PHF20L1: variants seen among roughly 807,000 people sequenced by gnomAD.
PHF20L1 encodes the protein PHD finger protein 20-like protein 1.
A neutral mutation model predicts 125.5 loss-of-function variants in PHF20L1; 44 were observed. The observed-to-expected ratio is 0.35, with a 90% CI of 0.28 to 0.45. PHF20L1 has a LOEUF of 0.45. PHF20L1 is among the 20% of genes least tolerant of loss of function. The probability of loss-of-function intolerance (pLI) is 1.00; values close to 1 mark genes in which losing one functional copy is unlikely to be tolerated. For missense variants in PHF20L1, 1,012 were observed against 1,217.2 expected (o/e 0.83, Z 2.51); for synonymous variants, 380 against 403.1 (o/e 0.94, Z 0.69).
Position 132,846,088 on chromosome 8 carries a change from T to C in PHF20L1, c.*165T>C. On this transcript the variant is annotated 3_prime_UTR_variant, in exon 21 of 21. Coordinates refer to ENST00000395386, the MANE Select transcript of PHF20L1 (RefSeq NM_016018.5). ...CTTGGAAAGAAAAATGAAGAACAAC[T>C]TTATCAAGGAAGCTAGTATTTAAAA... 1.9e-6 allele frequency: 1 copy of C among 535,596 alleles called. No homozygotes were observed. The highest frequency in any genetic ancestry group is 3.4e-5 in the South Asian group (1 of 29,802). The allele number at this position is 535,596 out of a possible 1,614,324, so 33.2% of individuals were successfully genotyped here. A position where few individuals can be genotyped will look rare whatever the true frequency, so the allele number is the denominator to read the frequency against.
chr8:132,829,111 C>T (rs1836502258), intron 14 of PHF20L1, among the ~76,000 whole-genome samples: 1 of 152,022 alleles, frequency 6.6e-6, no homozygotes, highest in East Asian at 1.9e-4. Flanking sequence ...GTGGGGAATA[C>T]AGACAGGGTG....
intron 15 of PHF20L1, among the ~76,000 whole-genome samples, chr8:132,835,691 T>C (rs1837279376): frequency 6.6e-6 from 1 of 152,140 alleles, no homozygotes. Flanking sequence ...AAAAATCCCT[T>C]GGGGAACTCA....
rs1025424611 is a variant in PHF20L1 at position 132,848,545 on chromosome 8, C to G, written c.*2622C>G. 2.0e-5 allele frequency: 3 copies of G among 152,518 alleles called. No individual in the cohort carries two copies. The highest frequency in any genetic ancestry group is 6.6e-5 in the Admixed American group (1 of 15,264). 9.4% of individuals were successfully genotyped at this position (152,518 alleles called of 1,614,324 possible). A position where few individuals can be genotyped will look rare whatever the true frequency, so the allele number is the denominator to read the frequency against. On this transcript the variant is annotated 3_prime_UTR_variant, in exon 21 of 21. Transcript: ENST00000395386. The stretch of plus-strand genomic sequence containing the variant: ...TTGCCACCAGGCAGAACAGAATGAG[C>G]ATTGGTAGAGAAGGCTCCCTCTTGG...
intron 12 of PHF20L1, chr8:132,818,428 A>AT (rs973845160): frequency 6.6e-6 from 1 of 151,860 alleles, no homozygotes; most frequent in Admixed American, 6.6e-5. Flanking sequence ...CATTTTATCC[A>AT]TTTTTTGGAT....
chr8:132,832,539 T>A, intron 15 of PHF20L1, 140 bp downstream of exon 15: 2 of 569,570 alleles, frequency 3.5e-6, no homozygotes, highest in Middle Eastern at 4.8e-4. Context: ...GTGAGAAATT[T>A]GAGCTACTTT....
intron 7 of PHF20L1, 109 bp downstream of exon 7, chr8:132,804,141 C>A: frequency 1.4e-6 from 1 of 732,212 alleles, no homozygotes; most frequent in Non-Finnish European, 2.2e-6. Flanking sequence ...AATTTGTAGG[C>A]TTTTGACCCT....
chr8:132,824,259 C>G (rs1835912924), intron 13 of PHF20L1, 199 bp downstream of exon 13: 1 of 391,008 alleles, frequency 2.6e-6, no homozygotes, highest in Non-Finnish European at 4.6e-6. Flanking sequence ...ACTTTTTTGT[C>G]AAGAGAGTCT....
At chr8:132,778,396 C>T (rs754834869) in intron 2 of PHF20L1, among the ~76,000 whole-genome samples, 1 of 152,180 alleles carries the variant, frequency 6.6e-6, no homozygotes, top group East Asian at 1.9e-4. Context: ...TATTCATTAT[C>T]TCACCTAAAA....
intron 1 of PHF20L1, among the ~76,000 whole-genome samples, 197 bp downstream of exon 1, chr8:132,775,842 T>G (rs1829653403): frequency 6.6e-6 from 1 of 152,076 alleles, no homozygotes; most frequent in African/African-American, 2.4e-5. Flanking sequence ...GCCGGATGGC[T>G]GTCAAACCTG....
At chr8:132,790,927 A>G (rs1026657908) in intron 2 of PHF20L1, among the ~76,000 whole-genome samples, 15 of 152,176 alleles carry the variant, frequency 9.9e-5, no homozygotes, top group Admixed American at 2.6e-4. Context: ...CAGTTTTACT[A>G]TGTATGAAAT....
intron 2 of PHF20L1, 109 bp downstream of exon 2, chr8:132,778,020 A>G (rs1830020367): frequency 7.2e-6 from 5 of 697,654 alleles, no homozygotes; most frequent in Middle Eastern, 2.6e-4. Context: ...CAGTGTATTC[A>G]CATTTCGATT....
chr8:132,844,335 C>T lies in PHF20L1; in HGVS notation c.2911+17C>T. 1.3e-6 allele frequency: 2 copies of T among 1,577,080 alleles called. No homozygotes were observed. Among genetic ancestry groups the T allele is most frequent in the Middle Eastern group, 1.7e-4 (1 of 5,948 alleles). On this transcript the variant is annotated intron_variant, in intron 20 of 20. Coordinates refer to ENST00000395386, the MANE Select transcript of PHF20L1 (RefSeq NM_016018.5). ...AAGTCGATGGTAATTTAAGAAAGAACTAAAATACAGTTACTATAGTGAATT... is the reference window on the plus strand; with the variant it reads ...AAGTCGATGGTAATTTAAGAAAGAATTAAAATACAGTTACTATAGTGAATT...
rs772721566 is a variant in PHF20L1 at position 132,794,538 on chromosome 8, C to G, written c.212C>G (p.Pro71Arg). 6.2e-7 allele frequency: 1 copy of G among 1,611,880 alleles called. No homozygotes were observed. Among genetic ancestry groups the G allele is most frequent in the Non-Finnish European group, 8.5e-7 (1 of 1,178,604 alleles). Residue 71 changes from proline (P) to arginine (R), a missense_variant, in exon 3 of 21, where the codon CCA becomes CGA. By Grantham distance (103) the Pro-to-Arg change is moderately radical (BLOSUM62 -2). This residue lies in a region of PHF20L1 where 94 missense variants were observed against 179.5 expected (regional missense o/e 0.52). Transcript: ENST00000395386. ...DSNRLRPLER[P>R]ALRKEGLKDE... is the part of the protein sequence containing the mutation. ...AATAGATTGCGACCCCTTGAGAGAC[C>G]AGCACTAAGAAAAGAAGGGCTAAAA...
At chr8:132,794,064 T>TA (rs1324603325) in intron 2 of PHF20L1, among the ~76,000 whole-genome samples, 1 of 152,216 alleles carries the variant, frequency 6.6e-6, no homozygotes, top group Non-Finnish European at 1.5e-5. Context: ...CTTTATTTGT[T>TA]ATTATAAATA....
At chr8:132,802,169 C>G (rs959158521) in intron 6 of PHF20L1, among the ~76,000 whole-genome samples, 2 of 143,720 alleles carry the variant, frequency 1.4e-5, no homozygotes, top group African/African-American at 5.2e-5. Flanking sequence ...ATTGATGGTG[C>G]TTTCTTTTCT....
rs1308709967 is a variant in PHF20L1 at position 132,846,621 on chromosome 8, AG to A, written c.*701del. The A allele has an allele frequency of 6.6e-6, 1 of 152,548 alleles. No homozygotes were observed. Among genetic ancestry groups the A allele is most frequent in the Non-Finnish European group, 1.5e-5 (1 of 67,982 alleles). The allele number at this position is 152,548 out of a possible 1,614,324, so 9.4% of individuals were successfully genotyped here. A position where few individuals can be genotyped will look rare whatever the true frequency, so the allele number is the denominator to read the frequency against. On this transcript the variant is annotated 3_prime_UTR_variant, in exon 21 of 21. Transcript: ENST00000395386. ...CATTAAAAACAAACTGGCTTGCAGA[AG>A]GGTCCGATGTGCCAAGTGATCATGA...
chr8:132,823,083 T>C (rs1186949060), intron 12 of PHF20L1, among the ~76,000 whole-genome samples: 1 of 151,988 alleles, frequency 6.6e-6, no homozygotes, highest in East Asian at 1.9e-4. Context: ...AAATGAATTT[T>C]GGACTATTAA....
chr8:132,797,522 C>CT (rs1832544773), intron 4 of PHF20L1, among the ~76,000 whole-genome samples: 1 of 151,912 alleles, frequency 6.6e-6, no homozygotes. Context: ...GGTGTGCAAG[C>CT]TGAGTTTTTC....
intron 18 of PHF20L1, 90 bp from the exon 19 acceptor site, chr8:132,842,425 T>C: frequency 1.6e-6 from 2 of 1,227,138 alleles, no homozygotes; most frequent in East Asian, 2.4e-5. Context: ...GATGTCCTCC[T>C]AACCTAATTC....
Sources: allele counts gnomAD v4.1 joint callset (sites outside exome capture counted in the v4.1 genomes callset), GRCh38; gene constraint gnomAD v4.1.1; regional missense constraint gnomAD v4.1.1; transcripts MANE v1.5; gene names NCBI Gene and HGNC (gene_info 2026-07-23, HGNC 2026-07-21).